Variants in ADAMTS6 observed in about 807,000 individuals in gnomAD.
ADAMTS6 encodes the protein ADAM metallopeptidase with thrombospondin type 1 motif 6.
ADAMTS6 carries 23 observed loss-of-function variants against 144.3 expected under a neutral mutation model. The ratio of observed to expected loss-of-function variants is 0.16; its 90% confidence interval spans 0.11 to 0.23. The LOEUF (loss-of-function observed/expected upper bound fraction) is 0.23. ADAMTS6 is among the 10% of genes least tolerant of loss of function. ADAMTS6 has a pLI of 1.00. For missense variants in ADAMTS6, 999 were observed against 1,379.6 expected, an observed-to-expected ratio of 0.72 and a Z score of 4.37; for synonymous variants, 444 against 457.5, an observed-to-expected ratio of 0.97 and a Z score of 0.38.
At chr5:65,323,449 A>G (rs1401865895) in intron 9 of ADAMTS6, among the ~76,000 whole-genome samples, 1 of 151,940 alleles carries the variant, frequency 6.6e-6, no homozygotes, top group Non-Finnish European at 1.5e-5. Context: ...ACATGAAATC[A>G]TCATTTTTTA....
chr5:65,326,403 C>A (rs2150052325), intron 9 of ADAMTS6, among the ~76,000 whole-genome samples: 1 of 152,148 alleles, frequency 6.6e-6, no homozygotes, highest in East Asian at 1.9e-4. Context: ...AAATAAATTT[C>A]TTGTTTTCAC....
chr5:65,468,558 T>C (rs1760202806), intron 3 of ADAMTS6, among the ~76,000 whole-genome samples: 2 of 149,734 alleles, frequency 1.3e-5, no homozygotes, highest in South Asian at 4.2e-4. Context: ...AGGGAAAAAA[T>C]AGTAACTTCA....
chr5:65,152,822 C>G (rs1056843764), intron 24 of ADAMTS6, among the ~76,000 whole-genome samples: 7 of 152,182 alleles, frequency 4.6e-5, no homozygotes, highest in Non-Finnish European at 1.0e-4. Context: ...TTCCAGTATT[C>G]TGGTCACTTT....
intron 7 of ADAMTS6, among the ~76,000 whole-genome samples, chr5:65,407,916 G>C (rs983587910): frequency 2.0e-5 from 3 of 152,098 alleles, no homozygotes; most frequent in African/African-American, 7.2e-5. Flanking sequence ...AAGTGAAGGA[G>C]AAATAAAATC....
At chr5:65,467,049 A>T (rs893022247) in intron 3 of ADAMTS6, among the ~76,000 whole-genome samples, 7 of 152,018 alleles carry the variant, frequency 4.6e-5, no homozygotes, top group Admixed American at 2.0e-4. Flanking sequence ...CAAAAAAAAA[A>T]AAAGGACAGA....
chr5:65,388,873 G>A (rs990239006), intron 7 of ADAMTS6, among the ~76,000 whole-genome samples: 2 of 152,058 alleles, frequency 1.3e-5, no homozygotes, highest in African/African-American at 4.8e-5. Flanking sequence ...GAATGTTTTC[G>A]TGTCAAGTGA....
intron 9 of ADAMTS6, among the ~76,000 whole-genome samples, chr5:65,305,835 C>T (rs1189430954): frequency 6.6e-6 from 1 of 152,046 alleles, no homozygotes; most frequent in Non-Finnish European, 1.5e-5. Context: ...CACAGGCACA[C>T]ATGGAGACAG....
chr5:65,445,014 T>C (rs1758158801), intron 7 of ADAMTS6, among the ~76,000 whole-genome samples: 1 of 152,228 alleles, frequency 6.6e-6, no homozygotes, highest in African/African-American at 2.4e-5. Context: ...TACTTGGTTA[T>C]ATACATACAT....
chr5:65,311,868 T>C (rs1744526309), intron 9 of ADAMTS6, among the ~76,000 whole-genome samples: 1 of 152,106 alleles, frequency 6.6e-6, no homozygotes, highest in South Asian at 2.1e-4. Flanking sequence ...AAGATCTGTA[T>C]AGCGAAGGAA....
chr5:65,273,310 G>T, intron 12 of ADAMTS6, 30 bp downstream of exon 12: 1 of 1,591,022 alleles, frequency 6.3e-7, no homozygotes, highest in Non-Finnish European at 8.6e-7. Context: ...TTGTATACAT[G>T]TCAAACAGGT....
intron 20 of ADAMTS6, among the ~76,000 whole-genome samples, chr5:65,213,085 C>T (rs1335045549): frequency 6.6e-6 from 1 of 152,066 alleles, no homozygotes; most frequent in Non-Finnish European, 1.5e-5. Context: ...GCAAATATTT[C>T]TTTATTTAAA....
intron 7 of ADAMTS6, among the ~76,000 whole-genome samples, chr5:65,345,580 A>T (rs1450611011): frequency 1.3e-5 from 2 of 151,888 alleles, no homozygotes; most frequent in Non-Finnish European, 3.0e-5. Flanking sequence ...AGACTGACAT[A>T]ATCTCTCAAC....
rs1406808700 is a variant in ADAMTS6 at position 65,373,485 on chromosome 5, C to T, written c.1074-39400G>A. ...TCAGAGAATACTACAAACACCTCTA[C>T]GCAAATAAACTAGAAAATCTAGAAG... On this transcript the variant is annotated intron_variant, in intron 7 of 24. Coordinates refer to ENST00000381055, the MANE Select transcript of ADAMTS6 (RefSeq NM_197941.4). Among the ~76,000 whole-genome samples the T allele has an allele frequency of 4.1e-3, 612 of 150,658 alleles. 2 individuals carry two copies. The highest frequency in any genetic ancestry group is 6.5e-3 in the Non-Finnish European group (441 of 67,364).
intron 7 of ADAMTS6, among the ~76,000 whole-genome samples, chr5:65,341,931 A>G (rs1338253119): frequency 6.6e-6 from 1 of 152,196 alleles, no homozygotes; most frequent in Admixed American, 6.5e-5. Context: ...TGTAGACACA[A>G]AAATCTTCAA....
chr5:65,265,555 T>A (rs980588135), intron 12 of ADAMTS6, among the ~76,000 whole-genome samples: 4 of 151,994 alleles, frequency 2.6e-5, no homozygotes, highest in Admixed American at 6.6e-5. Context: ...AGCAGTATAG[T>A]CCTGGCCAGC....
intron 21 of ADAMTS6, among the ~76,000 whole-genome samples, chr5:65,193,883 A>G (rs1755166545): frequency 6.6e-6 from 1 of 152,230 alleles, no homozygotes; most frequent in Non-Finnish European, 1.5e-5. Flanking sequence ...AACGTTGTCA[A>G]AGACTTCAAA....
chr5:65,173,146 T>C, intron 22 of ADAMTS6, 138 bp from the exon 23 acceptor site: 2 of 814,056 alleles, frequency 2.5e-6, no homozygotes, highest in South Asian at 4.0e-5. Flanking sequence ...GTCTCTCAGA[T>C]ACAACGTTCC....
At chr5:65,462,838 T>C (rs1275065794) in intron 3 of ADAMTS6, among the ~76,000 whole-genome samples, 1 of 152,052 alleles carries the variant, frequency 6.6e-6, no homozygotes, top group African/African-American at 2.4e-5. Context: ...TCCCAGCACT[T>C]TGGGAGGCTA....
At chr5:65,407,794 C>A (rs1432832705) in intron 7 of ADAMTS6, among the ~76,000 whole-genome samples, 1 of 152,202 alleles carries the variant, frequency 6.6e-6, no homozygotes, top group East Asian at 1.9e-4. Flanking sequence ...AAGACACATG[C>A]ACACGTATGT....
Sources: allele counts gnomAD v4.1 joint callset (sites outside exome capture counted in the v4.1 genomes callset), GRCh38; gene constraint gnomAD v4.1.1; transcripts MANE v1.5; gene names NCBI Gene and HGNC (gene_info 2026-07-23, HGNC 2026-07-21).